Variants in ATP1A4 observed in about 807,000 individuals in gnomAD.
ATP1A4 encodes the protein sodium/potassium-transporting ATPase subunit alpha-4.
Under a neutral mutation model 114.3 loss-of-function variants are expected in ATP1A4, and 90 were observed. That is an observed-to-expected ratio of 0.79 (90% CI 0.66 to 0.94). ATP1A4 has a LOEUF of 0.94. Ranked by LOEUF, ATP1A4 falls within the 40% of genes least tolerant of loss-of-function variation. The pLI is 0.00. For missense variants in ATP1A4, 1,222 were observed against 1,313.6 expected, an observed-to-expected ratio of 0.93 and a Z score of 1.08; for synonymous variants, 511 against 494.1, an observed-to-expected ratio of 1.03 and a Z score of -0.45.
In ATP1A4 at chr1:160,181,926, C is replaced by T; in HGVS notation, c.2868-4C>T. 1 of 1,613,576 alleles carries T rather than the reference C, an allele frequency of 6.2e-7. No individual in the cohort carries two copies. The highest frequency in any genetic ancestry group is 8.5e-7 in the Non-Finnish European group (1 of 1,179,518). Reference sequence around the variant, plus strand: ...CCGCCACACCCATGAATGTTTCTTCCCAGAAACAAAGTCTTAATATTTGGG... The same window carrying T: ...CCGCCACACCCATGAATGTTTCTTCTCAGAAACAAAGTCTTAATATTTGGG... On this transcript the variant is annotated splice_region_variant and splice_polypyrimidine_tract_variant and intron_variant, in intron 19 of 21. Transcript: ENST00000368081.
intron 20 of ATP1A4, among the ~76,000 whole-genome samples, chr1:160,185,993 G>A (rs1378231125): frequency 2.1e-5 from 3 of 145,772 alleles, no homozygotes; most frequent in Non-Finnish European, 4.5e-5. Context: ...TACTCAGGAG[G>A]CTAAGGCATG....
intron 6 of ATP1A4, among the ~76,000 whole-genome samples, chr1:160,160,468 C>A (rs781123564): frequency 1.3e-5 from 2 of 152,170 alleles, no homozygotes; most frequent in African/African-American, 2.4e-5. Context: ...CTGCCCTCCT[C>A]GGCCTCCCAA....
Position 160,156,713 on chromosome 1 carries a change from G to A in ATP1A4, c.525+555G>A, listed in dbSNP as rs1264589955. 2.0e-5 allele frequency among the ~76,000 whole-genome samples: 3 copies of A among 152,150 alleles called. No homozygotes were observed. The East Asian group carries it at 5.8e-4, about 29-fold the overall frequency. ...CCAAGCTACACAGGCAGCTGAGACG[G>A]GAGGATTACTTGAACCCAGGAATTT... On this transcript the variant is annotated intron_variant, in intron 4 of 21. Transcript: ENST00000368081.
At chr1:160,177,759 A>C in intron 18 of ATP1A4, 95 bp downstream of exon 18, 2 of 1,416,796 alleles carry the variant, frequency 1.4e-6, no homozygotes, top group Non-Finnish European at 2.0e-6. Context: ...AGAAGAAGGG[A>C]AGCACCACAC....
intron 6 of ATP1A4, among the ~76,000 whole-genome samples, chr1:160,161,764 T>C (rs898593720): frequency 6.6e-6 from 1 of 152,206 alleles, no homozygotes; most frequent in Non-Finnish European, 1.5e-5. Flanking sequence ...TGGGAATCTT[T>C]TCAGGATTCC....
rs1321636198 is a variant in ATP1A4, at chr1:160,153,092, T to C, written c.148-73T>C. The stretch of plus-strand genomic sequence containing the variant: ...CTCAGTTTGGACTAACATTCTCCAG[T>C]CTGTTTCTCCCCCTCTCCCTGGAAA... On this transcript the variant is annotated intron_variant, in intron 1 of 21. Coordinates refer to ENST00000368081, the MANE Select transcript of ATP1A4 (RefSeq NM_144699.4). 3.0e-5 allele frequency: 37 copies of C among 1,223,732 alleles called. No homozygotes were observed. In the Middle Eastern group the frequency reaches 7.5e-4, roughly 25 times the overall value. 75.8% of individuals were successfully genotyped at this position (1,223,732 alleles called of 1,614,324 possible). A position where few individuals can be genotyped will look rare whatever the true frequency, so the allele number is the denominator to read the frequency against.
At position 160,167,039 on chromosome 1, in the gene ATP1A4, G is replaced by A. The variant is rs1653065741; in HGVS notation, c.1318G>A (p.Asp440Asn). ...ARIAGLCNRA[D>N]FKANQEILPI... The stretch of plus-strand genomic sequence containing the variant: ...AATCGCTGGCCTCTGCAACCGGGCT[G>A]ACTTTAAGGCTAATCAGGAGATCCT... Residue 440 changes from aspartate to asparagine, a missense_variant, in exon 9 of 22, where the codon GAC becomes AAC. Transcript: ENST00000368081. The A allele has an allele frequency of 1.2e-6, 2 of 1,614,164 alleles. No homozygotes were observed. The highest frequency in any genetic ancestry group is 1.7e-6 in the Non-Finnish European group (2 of 1,180,026).
At chr1:160,179,881 C>T (rs2101654681) in intron 18 of ATP1A4, among the ~76,000 whole-genome samples, 1 of 152,112 alleles carries the variant, frequency 6.6e-6, no homozygotes, top group African/African-American at 2.4e-5. Flanking sequence ...AACTAGAATA[C>T]TAGAGTGAGA....
At position 160,167,033 on chromosome 1, in the gene ATP1A4, C is replaced by G. The variant is rs750508892; in HGVS notation, c.1312C>G (p.Arg438Gly). 1.2e-6 allele frequency: 2 copies of G among 1,614,148 alleles called. No homozygotes were observed. The highest frequency in any genetic ancestry group is 1.7e-5 in the Admixed American group (1 of 60,014). ...GGCCCGAATCGCTGGCCTCTGCAAC[C>G]GGGCTGACTTTAAGGCTAATCAGGA... ...MLARIAGLCN[R>G]ADFKANQEIL... The change falls in exon 9 of 22, where the codon CGG (arginine) becomes GGG (glycine). Residue 438 changes from arginine to glycine, a missense_variant. Physicochemically the swap from Arg to Gly is moderately radical, Grantham distance 125 (BLOSUM62 -2). Transcript: ENST00000368081.
At chr1:160,165,674 A>G (rs902902932) in intron 7 of ATP1A4, among the ~76,000 whole-genome samples, 6 of 151,936 alleles carry the variant, frequency 3.9e-5, no homozygotes, top group Admixed American at 2.0e-4. Context: ...GAGGCAGGAG[A>G]ATGGCTTGAA....
At position 160,153,360 on chromosome 1, in the gene ATP1A4, C is replaced by G; in HGVS notation, c.207+136C>G. The G allele has an allele frequency of 2.9e-6, 2 of 700,910 alleles. 1 individual carries two copies. The highest frequency in any genetic ancestry group is 3.4e-5 in the South Asian group (2 of 59,466). The allele number at this position is 700,910 out of a possible 1,614,324, so 43.4% of individuals were successfully genotyped here. On this transcript the variant is annotated intron_variant, in intron 2 of 21. Transcript: ENST00000368081. Reference sequence around the variant, plus strand: ...CCACCCCTCACCCTCTGCCTGGCCACGTTCCATGGACACTACCTGGAAAAA... The same window carrying G: ...CCACCCCTCACCCTCTGCCTGGCCAGGTTCCATGGACACTACCTGGAAAAA...
chr1:160,176,564 T>C lies in ATP1A4; in HGVS notation c.2552T>C (p.Val851Ala). 1 of 1,614,118 alleles carries C rather than the reference T, an allele frequency of 6.2e-7. No homozygotes were observed. Among genetic ancestry groups the C allele is most frequent in the South Asian group, 1.1e-5 (1 of 91,076 alleles). ...LPRNPKTDNL[V>A]NHRLIGMAYG... ...AGGAACCCAAAGACGGATAATCTGGTGAACCACCGTCTCATTGGCATGGCC... is the reference window on the plus strand; with the variant it reads ...AGGAACCCAAAGACGGATAATCTGGCGAACCACCGTCTCATTGGCATGGCC... The change falls in exon 17 of 22, where the codon GTG becomes GCG. Residue 851 changes from valine to alanine, a missense_variant. Transcript: ENST00000368081.
chr1:160,161,515 T>C (rs754036521), intron 6 of ATP1A4, among the ~76,000 whole-genome samples: 18 of 152,132 alleles, frequency 1.2e-4, no homozygotes, highest in Non-Finnish European at 2.1e-4. Context: ...AGATTAATTA[T>C]TAAATCCCGT....
In ATP1A4 at chr1:160,155,251, G is replaced by A. The variant is rs757110677; in HGVS notation, c.411+3G>A. ...ATGAGGAGCCTACCAAAGACAACGTGAGTCTCTTCAGCTACTACTAGCCAG... is the reference window on the plus strand; with the variant it reads ...ATGAGGAGCCTACCAAAGACAACGTAAGTCTCTTCAGCTACTACTAGCCAG... On this transcript the variant is annotated splice_donor_region_variant and intron_variant, in intron 3 of 21. Coordinates refer to ENST00000368081, the MANE Select transcript of ATP1A4 (RefSeq NM_144699.4). 1.9e-6 allele frequency: 3 copies of A among 1,611,220 alleles called. No homozygotes were observed. The South Asian group carries it at 3.3e-5, about 18-fold the overall frequency.
intron 18 of ATP1A4, among the ~76,000 whole-genome samples, chr1:160,178,328 C>G (rs1653560797): frequency 6.6e-6 from 1 of 151,438 alleles, no homozygotes; most frequent in African/African-American, 2.4e-5. Flanking sequence ...GCACTGCAGC[C>G]TGGGCAACAA....
Position 160,167,264 on chromosome 1 carries a change from C to T in ATP1A4, c.1357-14C>T, listed in dbSNP as rs375682687. On this transcript the variant is annotated splice_polypyrimidine_tract_variant and intron_variant, in intron 9 of 21. Coordinates refer to ENST00000368081, the MANE Select transcript of ATP1A4 (RefSeq NM_144699.4). ...ATGCCCCTGGGGCTTACTATACAAACCCCATCCTGGCAGAGGGCCACAACA... is the reference window on the plus strand; with the variant it reads ...ATGCCCCTGGGGCTTACTATACAAATCCCATCCTGGCAGAGGGCCACAACA... The T allele has an allele frequency of 1.3e-6, 2 of 1,594,992 alleles. No individual in the cohort carries two copies. Among genetic ancestry groups the T allele is most frequent in the African/African-American group, 1.4e-5 (1 of 73,964 alleles).
chr1:160,177,583 G>A lies in ATP1A4; in HGVS notation c.2655G>A (p.Arg885=). The part of the protein sequence containing the change: ...YFVILAENGF[R]PVDLLGIRLH... ...TAATCCTGGCTGAGAATGGTTTTAG[G>A]CCTGTTGATCTGCTGGGCATCCGCC... The change falls in exon 18 of 22, where the codon AGG becomes AGA. Residue 885 remains arginine (R), a synonymous_variant. Transcript: ENST00000368081. 1.9e-6 allele frequency: 3 copies of A among 1,614,164 alleles called. No homozygotes were observed. The Admixed American group carries it at 5.0e-5, about 27-fold the overall frequency.
At chr1:160,177,750 G>A in intron 18 of ATP1A4, 86 bp downstream of exon 18, 2 of 1,482,198 alleles carry the variant, frequency 1.3e-6, no homozygotes, top group East Asian at 2.3e-5. Context: ...TTTTAAGAGA[G>A]AAGAAGGGAA....
At chr1:160,164,498 TTTG>T in intron 7 of ATP1A4, 74 bp downstream of exon 7, 8 of 1,527,304 alleles carry the variant, frequency 5.2e-6, no homozygotes, top group Non-Finnish European at 5.4e-6. Context: ...TAGCGTCTCT[TTTG>T]TTGTTGAACC....
Sources: gnomAD v4.1 joint callset for allele counts (sites outside exome capture counted in the v4.1 genomes callset) on GRCh38, gnomAD v4.1.1 for gene constraint, MANE v1.5 for transcripts, NCBI Gene and HGNC (gene_info 2026-07-23, HGNC 2026-07-21) for gene names.